Variants in PDSS2 observed in about 807,000 individuals in gnomAD.
PDSS2 encodes all trans-polyprenyl-diphosphate synthase PDSS2.
A neutral mutation model predicts 44.5 loss-of-function variants in PDSS2; 31 were observed. The observed-to-expected ratio is 0.70, with a 90% confidence interval of 0.52 to 0.94. The LOEUF (loss-of-function observed/expected upper bound fraction) is 0.94, where lower values mean the gene tolerates loss of function less well. Ranked by LOEUF, PDSS2 falls within the 40% of genes least tolerant of loss-of-function variation. The pLI is 0.00. For synonymous variants in PDSS2, 157 were observed against 180.3 expected (o/e 0.87, Z 1.03); for missense variants, 452 against 482.2 (o/e 0.94, Z 0.59).
At chr6:107,388,328 ACAGTTTGG>A (rs1779673500) in intron 1 of PDSS2, among the ~76,000 whole-genome samples, 1 of 152,238 alleles carries the variant, frequency 6.6e-6, no homozygotes, top group South Asian at 2.1e-4. Flanking sequence ...ACTTCGGAAG[ACAGTTTGG>A]CAGTTTCTTA....
chr6:107,359,383 G>A (rs62430108), intron 1 of PDSS2, among the ~76,000 whole-genome samples: 1 of 151,872 alleles, frequency 6.6e-6, no homozygotes, highest in South Asian at 2.1e-4. Context: ...AGCACTTTGG[G>A]AAGCTGAGGC....
chr6:107,221,052 C>A (rs1773584823), intron 4 of PDSS2, among the ~76,000 whole-genome samples: 1 of 152,094 alleles, frequency 6.6e-6, no homozygotes, highest in South Asian at 2.1e-4. Flanking sequence ...TTTAGATATA[C>A]CTATATCAGG....
chr6:107,445,352 A>G (rs924121798), intron 1 of PDSS2, among the ~76,000 whole-genome samples: 1 of 152,092 alleles, frequency 6.6e-6, no homozygotes, highest in African/African-American at 2.4e-5. Context: ...TGGGCCATCC[A>G]GCTTGGACAA....
intron 1 of PDSS2, among the ~76,000 whole-genome samples, chr6:107,349,306 G>A (rs1346181011): frequency 6.6e-6 from 1 of 151,670 alleles, no homozygotes; most frequent in East Asian, 1.9e-4. Context: ...GGTGGCGGGC[G>A]CCTGTAGTCC....
At chr6:107,343,887 G>A (rs1299991299) in intron 1 of PDSS2, among the ~76,000 whole-genome samples, 3 of 152,154 alleles carry the variant, frequency 2.0e-5, no homozygotes, top group African/African-American at 7.2e-5. Flanking sequence ...ACGGTAACAA[G>A]TGTTATCCAA....
chr6:107,455,742 G>A (rs574904232), intron 1 of PDSS2, among the ~76,000 whole-genome samples: 223 of 115,288 alleles, frequency 1.9e-3, no homozygotes, highest in Non-Finnish European at 2.7e-3. Context: ...GCGATAGAGC[G>A]AGACTCTGTC....
intron 1 of PDSS2, among the ~76,000 whole-genome samples, chr6:107,408,768 T>A (rs1431018390): frequency 6.6e-6 from 1 of 152,214 alleles, no homozygotes; most frequent in African/African-American, 2.4e-5. Context: ...GCTAGAAATT[T>A]AGATTTTTCA....
At position 107,154,305 on chromosome 6, in the gene PDSS2, G is replaced by T; in HGVS notation, c.*314C>A. On this transcript the variant is annotated 3_prime_UTR_variant, in exon 8 of 8. Coordinates refer to ENST00000369037, the MANE Select transcript of PDSS2 (RefSeq NM_020381.4). ...GGCCACCGCCCTGGCGCCATCCCTG[G>T]CTCGGTCCAATCAATAAGGACTTAT... 1 of 359,524 alleles carries T rather than the reference G, an allele frequency of 2.8e-6. No individual in the cohort carries two copies. The highest frequency in any genetic ancestry group is 7.1e-5 in the East Asian group (1 of 14,146). The allele number at this position is 359,524 out of a possible 1,614,324, so 22.3% of individuals were successfully genotyped here.
rs59632305 is a variant in PDSS2 at position 107,359,007 on chromosome 6, CTTTTTTTTTTT to C, written c.297-24686_297-24676del. On this transcript the variant is annotated intron_variant, in intron 1 of 7. Transcript: ENST00000369037. ...AATCAGGAGCTTTAGCATTCTCGCT[CTTTTTTTTTTT>C]TTTTTTTTTTGAGATGAGTTTTGCT... Among the ~76,000 whole-genome samples, 5 of 93,060 alleles carry C rather than the reference CTTTTTTTTTTT, an allele frequency of 5.4e-5. No individual in the cohort carries two copies. In the East Asian group the frequency reaches 1.1e-3, roughly 20 times the overall value. 61.1% of individuals were successfully genotyped at this position (93,060 alleles called of 152,430 possible).
chr6:107,298,109 G>A (rs181170790), intron 2 of PDSS2, among the ~76,000 whole-genome samples: 1 of 152,248 alleles, frequency 6.6e-6, no homozygotes, highest in East Asian at 1.9e-4. Context: ...ATATGAGAAG[G>A]AAAACTGGGA....
chr6:107,459,302 G>T lies in PDSS2; in HGVS notation c.-17C>A, dbSNP rs757004163. Reference sequence around the variant, plus strand: ...AAAGTTCATGGTTTGAGTCTGGAAGGGTCTGGGACCTGGGGGTATCCAGAA... The same window carrying T: ...AAAGTTCATGGTTTGAGTCTGGAAGTGTCTGGGACCTGGGGGTATCCAGAA... On this transcript the variant is annotated 5_prime_UTR_variant, in exon 1 of 8. Coordinates refer to ENST00000369037, the MANE Select transcript of PDSS2 (RefSeq NM_020381.4). The surrounding 1 kb of genome is among the most constrained non-coding windows in gnomAD (Gnocchi z 4.3). 6.2e-7 allele frequency: 1 copy of T among 1,612,430 alleles called. No individual in the cohort carries two copies. Among genetic ancestry groups the T allele is most frequent in the South Asian group, 1.1e-5 (1 of 91,062 alleles).
At chr6:107,374,883 C>T (rs951989753) in intron 1 of PDSS2, among the ~76,000 whole-genome samples, 6 of 151,926 alleles carry the variant, frequency 3.9e-5, no homozygotes, top group Admixed American at 1.3e-4. Flanking sequence ...TTTGAGTTCA[C>T]TACTAGGTAT....
At chr6:107,334,166 A>T (rs1301114075) in intron 2 of PDSS2, 32 bp downstream of exon 2, 20 of 1,597,058 alleles carry the variant, frequency 1.3e-5, no homozygotes, top group Non-Finnish European at 1.7e-5. Flanking sequence ...CACGATGTAG[A>T]GAGCAATGTC....
intron 3 of PDSS2, among the ~76,000 whole-genome samples, chr6:107,272,087 A>C (rs1360308015): frequency 6.0e-4 from 90 of 149,616 alleles, no homozygotes; most frequent in Non-Finnish European, 7.7e-4. Context: ...AAAGAAACAA[A>C]AAAAAAAAAA....
At chr6:107,342,923 A>G (rs1008403544) in intron 1 of PDSS2, among the ~76,000 whole-genome samples, 5 of 152,324 alleles carry the variant, frequency 3.3e-5, no homozygotes, top group Admixed American at 2.0e-4. Flanking sequence ...AGGGCAAGGA[A>G]CCCCTTTCAA....
intron 1 of PDSS2, among the ~76,000 whole-genome samples, chr6:107,383,426 G>A (rs912822533): frequency 5.4e-5 from 8 of 148,186 alleles, no homozygotes; most frequent in African/African-American, 1.7e-4. Flanking sequence ...GATGCTCTTA[G>A]ACACAGCATG....
At chr6:107,172,771 CTT>C (rs369070437) in intron 7 of PDSS2, among the ~76,000 whole-genome samples, 2 of 147,692 alleles carry the variant, frequency 1.4e-5, no homozygotes, top group South Asian at 2.1e-4. Flanking sequence ...CACACACATT[CTT>C]TTTTTTTTTC....
At chr6:107,438,258 G>T (rs1583085802) in intron 1 of PDSS2, among the ~76,000 whole-genome samples, 2 of 152,062 alleles carry the variant, frequency 1.3e-5, no homozygotes, top group East Asian at 1.9e-4. Flanking sequence ...ACCCAGGCTG[G>T]AGTGCAATGG....
intron 3 of PDSS2, among the ~76,000 whole-genome samples, chr6:107,253,294 C>T (rs1774888514): frequency 6.6e-6 from 1 of 152,244 alleles, no homozygotes; most frequent in Non-Finnish European, 1.5e-5. Context: ...GCCTCGGCCT[C>T]CCAAGTGCTG....
Sources: allele counts gnomAD v4.1 joint callset (sites outside exome capture counted in the v4.1 genomes callset), GRCh38; gene constraint gnomAD v4.1.1; non-coding constraint Gnocchi (gnomAD v3.1); transcripts MANE v1.5; gene names NCBI Gene and HGNC (gene_info 2026-07-23, HGNC 2026-07-21).